The following UNC13C variants were observed in gnomAD, a reference collection of about 807,000 sequenced individuals.
UNC13C encodes the protein protein unc-13 homolog C.
Under a neutral mutation model 245.4 loss-of-function variants are expected in UNC13C, and 174 were observed. The ratio of observed to expected loss-of-function variants is 0.71; its 90% confidence interval spans 0.63 to 0.80. The LOEUF (loss-of-function observed/expected upper bound fraction) is 0.80, where lower values mean the gene tolerates loss of function less well. Ranked by LOEUF, UNC13C falls within the 30% of genes least tolerant of loss-of-function variation. The probability of loss-of-function intolerance (pLI) is 0.00; values close to 1 mark genes in which losing one functional copy is unlikely to be tolerated. For missense variants in UNC13C, 2,829 were observed against 2,602.9 expected (o/e 1.09, Z -1.89); for synonymous variants, 992 against 895.1 (o/e 1.11, Z -1.93).
intron 4 of UNC13C, among the ~76,000 whole-genome samples, chr15:54,166,594 T>C (rs2033169992): frequency 6.6e-6 from 1 of 152,110 alleles, no homozygotes; most frequent in South Asian, 2.1e-4. Context: ...AGAATGATGA[T>C]TTGTATGGAA....
At chr15:54,176,219 A>G (rs1293394172) in intron 4 of UNC13C, among the ~76,000 whole-genome samples, 3 of 152,126 alleles carry the variant, frequency 2.0e-5, no homozygotes, top group African/African-American at 4.8e-5. Context: ...AATTTTATTA[A>G]GGCTGCTTCC....
chr15:54,013,290 A>T lies in UNC13C; in HGVS notation c.387A>T (p.Glu129Asp), dbSNP rs1337963701. The change falls in exon 2 of 33, where the codon GAA (glutamate) becomes GAT (aspartate). Residue 129 changes from glutamate (E) to aspartate (D), a missense_variant. Transcript: ENST00000260323. ...ELSSIESSYS[E>D]SLNELRSSTE... Reference sequence around the variant, plus strand: ...CTTCAATCGAGAGTTCCTACTCAGAATCATTAAATGAACTAAGGAGTAGCA... The same window carrying T: ...CTTCAATCGAGAGTTCCTACTCAGATTCATTAAATGAACTAAGGAGTAGCA... 1 of 1,613,822 alleles carries T rather than the reference A, an allele frequency of 6.2e-7. No homozygotes were observed. Among genetic ancestry groups the T allele is most frequent in the Non-Finnish European group, 8.5e-7 (1 of 1,179,850 alleles).
intron 29 of UNC13C, among the ~76,000 whole-genome samples, chr15:54,557,818 G>A (rs1342841949): frequency 6.6e-6 from 1 of 151,994 alleles, no homozygotes; most frequent in Non-Finnish European, 1.5e-5. Flanking sequence ...TTTCTCTTAT[G>A]TACGTGCATC....
chr15:54,029,857 A>G (rs563420227), intron 2 of UNC13C, among the ~76,000 whole-genome samples: 3 of 152,292 alleles, frequency 2.0e-5, no homozygotes, highest in African/African-American at 4.8e-5. Flanking sequence ...GCTCAGCTTC[A>G]TCTTTCACTC....
At chr15:53,961,352 G>C in the UNC13C span, among the ~76,000 whole-genome samples, 3 of 152,358 alleles carry the variant, frequency 2.0e-5, no homozygotes, top group South Asian at 6.2e-4. Context: ...AAGTTACTTT[G>C]TTTGCAAAGA....
chr15:53,871,201 C>T, the UNC13C span, among the ~76,000 whole-genome samples: 8 of 152,170 alleles, frequency 5.3e-5, no homozygotes, highest in African/African-American at 1.7e-4. Context: ...TTTTACCCCT[C>T]TTCCTCTGCC....
chr15:54,603,472 A>G (rs1390044884), intron 30 of UNC13C, among the ~76,000 whole-genome samples: 1 of 152,158 alleles, frequency 6.6e-6, no homozygotes, highest in Non-Finnish European at 1.5e-5. Context: ...CACTGCATTC[A>G]TTCTTAGATA....
intron 2 of UNC13C, among the ~76,000 whole-genome samples, chr15:54,140,295 T>C (rs1159628449): frequency 6.6e-6 from 1 of 152,198 alleles, no homozygotes; most frequent in African/African-American, 2.4e-5. Flanking sequence ...TATTCAGATT[T>C]TTAGCTATTC....
chr15:54,530,674 C>T (rs899936174), intron 25 of UNC13C, among the ~76,000 whole-genome samples: 7 of 152,092 alleles, frequency 4.6e-5, no homozygotes, highest in Middle Eastern at 3.4e-3. Flanking sequence ...CTGAAATTAA[C>T]GAGGGACCAA....
At chr15:53,908,699 A>C in the UNC13C span, among the ~76,000 whole-genome samples, 7,202 of 135,822 alleles carry the variant, frequency 0.053, 857 homozygotes, top group African/African-American at 0.18. Context: ...CTGCAGTGAG[A>C]CGAGATTGCA....
chr15:53,996,615 C>T (rs953267951), intron 1 of UNC13C, among the ~76,000 whole-genome samples: 1 of 152,116 alleles, frequency 6.6e-6, no homozygotes, highest in East Asian at 1.9e-4. Context: ...TTTCTCATAT[C>T]CCCTTCAAGT....
At chr15:54,528,740 T>C (rs949903608) in intron 25 of UNC13C, among the ~76,000 whole-genome samples, 2 of 151,958 alleles carry the variant, frequency 1.3e-5, no homozygotes, top group Non-Finnish European at 1.5e-5. Flanking sequence ...CAAAAGAAAG[T>C]AGTCATTTCA....
Position 54,300,340 on chromosome 15 carries a change from G to A in UNC13C, c.4235G>A (p.Arg1412His), listed in dbSNP as rs777938801. 31 of 1,581,202 alleles carry A rather than the reference G, an allele frequency of 2.0e-5. No individual in the cohort carries two copies. Among genetic ancestry groups the A allele is most frequent in the South Asian group, 8.1e-5 (7 of 86,550 alleles). ...GAAATAGTTGATGAATTTGCTATGC[G>A]TTATGGAATTGAATCCATTTATCAA... is the stretch of plus-strand genomic sequence containing the variant. ...SQEIVDEFAM[R>H]YGIESIYQAM... is the part of the protein sequence containing the mutation. Residue 1412 changes from arginine to histidine, a missense_variant, in exon 13 of 33, where the codon CGT becomes CAT. Coordinates refer to ENST00000260323, the MANE Select transcript of UNC13C (RefSeq NM_001080534.3).
chr15:54,184,252 T>TTTTA (rs996186391), intron 4 of UNC13C, among the ~76,000 whole-genome samples: 4 of 152,028 alleles, frequency 2.6e-5, no homozygotes, highest in African/African-American at 7.2e-5. Context: ...TGTAGTTTAT[T>TTTTA]TTTATTTATT....
At chr15:53,863,557 G>C in the UNC13C span, among the ~76,000 whole-genome samples, 1 of 152,144 alleles carries the variant, frequency 6.6e-6, no homozygotes, top group African/African-American at 2.4e-5. Flanking sequence ...ATATTATAAT[G>C]AAAAAGTGGA....
intron 19 of UNC13C, among the ~76,000 whole-genome samples, chr15:54,487,593 A>G (rs4380010): frequency 1.3e-5 from 2 of 151,920 alleles, no homozygotes; most frequent in African/African-American, 4.8e-5. Flanking sequence ...ATAATGAAAC[A>G]CCATCTCTAC....
At chr15:54,255,576 T>C (rs1276147657) in intron 8 of UNC13C, among the ~76,000 whole-genome samples, 1 of 152,236 alleles carries the variant, frequency 6.6e-6, no homozygotes, top group African/African-American at 2.4e-5. Flanking sequence ...TGTGTGTTCC[T>C]CTGCTGATGT....
At chr15:54,598,024 A>G (rs999899102) in intron 30 of UNC13C, among the ~76,000 whole-genome samples, 1 of 152,232 alleles carries the variant, frequency 6.6e-6, no homozygotes, top group African/African-American at 2.4e-5. Flanking sequence ...AAAGCAGTCA[A>G]GCTTTAAGAC....
chr15:54,354,301 C>G (rs1221642188), intron 17 of UNC13C, among the ~76,000 whole-genome samples: 1 of 152,160 alleles, frequency 6.6e-6, no homozygotes, highest in Non-Finnish European at 1.5e-5. Flanking sequence ...TCCATCAATA[C>G]TTGCCTTGTT....
Sources: allele counts gnomAD v4.1 joint callset (sites outside exome capture counted in the v4.1 genomes callset), GRCh38; gene constraint gnomAD v4.1.1; transcripts MANE v1.5; gene names NCBI Gene and HGNC (gene_info 2026-07-23, HGNC 2026-07-21).